Variants in RANBP17 observed in about 807,000 individuals in gnomAD.
RANBP17 encodes the protein RAN binding protein 17.
A neutral mutation model predicts 141.2 loss-of-function variants in RANBP17; 158 were observed. That is an observed-to-expected ratio of 1.12 (90% confidence interval 0.98 to 1.28). The LOEUF (loss-of-function observed/expected upper bound fraction) is 1.28, where lower values mean the gene tolerates loss of function less well. Ranked by LOEUF, RANBP17 falls within the 50% of genes most tolerant of loss-of-function variation. The pLI, the probability that RANBP17 is intolerant of heterozygous loss-of-function variation, is 0.00. For synonymous variants in RANBP17, 430 were observed against 450.0 expected (o/e 0.96, Z 0.56); for missense variants, 1,438 against 1,290.7 (o/e 1.11, Z -1.75).
chr5:171,019,334 G>A (rs1224505756), intron 14 of RANBP17, among the ~76,000 whole-genome samples: 1 of 152,070 alleles, frequency 6.6e-6, no homozygotes, highest in East Asian at 1.9e-4. Flanking sequence ...AAGGAATGGT[G>A]CCAACTCCTT....
chr5:171,069,255 A>G (rs1026306601), intron 14 of RANBP17, among the ~76,000 whole-genome samples: 1 of 152,088 alleles, frequency 6.6e-6, no homozygotes, highest in African/African-American at 2.4e-5. Context: ...CAGGGTCCTT[A>G]TTTTCTGCCC....
At chr5:171,137,473 GA>G (rs1171683126) in intron 14 of RANBP17, among the ~76,000 whole-genome samples, 1 of 151,994 alleles carries the variant, frequency 6.6e-6, no homozygotes, top group Non-Finnish European at 1.5e-5. Flanking sequence ...GGTTGTCATT[GA>G]AAGTATTGCC....
At chr5:170,980,316 C>G (rs945263398) in intron 14 of RANBP17, among the ~76,000 whole-genome samples, 7 of 152,168 alleles carry the variant, frequency 4.6e-5, no homozygotes, top group Non-Finnish European at 1.0e-4. Context: ...AGGAGAAATG[C>G]AAGCTGGCTG....
intron 24 of RANBP17, among the ~76,000 whole-genome samples, chr5:171,257,990 C>T (rs1766017824): frequency 6.6e-6 from 1 of 151,976 alleles, no homozygotes; most frequent in Admixed American, 6.6e-5. Flanking sequence ...CTGTTAATCC[C>T]AGCTACTCAG....
intron 14 of RANBP17, chr5:170,983,117 A>T (rs1262966483): frequency 1.9e-6 from 1 of 522,874 alleles, no homozygotes; most frequent in Non-Finnish European, 3.7e-6. Flanking sequence ...CCAAGAAAAG[A>T]GGAAGAAGGG....
At chr5:171,090,458 A>T (rs1469546652) in intron 14 of RANBP17, among the ~76,000 whole-genome samples, 1 of 152,186 alleles carries the variant, frequency 6.6e-6, no homozygotes, top group Admixed American at 6.5e-5. Context: ...AGGGAAACAG[A>T]GCATAAAAGT....
chr5:171,240,517 T>G (rs1475890301), intron 22 of RANBP17, among the ~76,000 whole-genome samples: 1 of 152,122 alleles, frequency 6.6e-6, no homozygotes, highest in Admixed American at 6.5e-5. Context: ...TGCCGAGAAT[T>G]TAGGGTAATT....
intron 24 of RANBP17, among the ~76,000 whole-genome samples, chr5:171,250,223 T>C (rs1352275882): frequency 6.6e-6 from 1 of 152,206 alleles, no homozygotes; most frequent in East Asian, 1.9e-4. Context: ...GGAATTTGTT[T>C]GTTACCACTA....
At chr5:171,066,226 T>G (rs2127684313) in intron 14 of RANBP17, among the ~76,000 whole-genome samples, 1 of 152,272 alleles carries the variant, frequency 6.6e-6, no homozygotes, top group Admixed American at 6.5e-5. Flanking sequence ...AATACATGGT[T>G]ATTAATCATA....
intron 20 of RANBP17, chr5:171,207,929 T>A (rs1162077956): frequency 6.6e-6 from 1 of 152,224 alleles, no homozygotes; most frequent in Non-Finnish European, 1.5e-5. Context: ...AAAGTACAGA[T>A]TCTTTTCAAA....
chr5:171,060,955 G>A (rs1160001505), intron 14 of RANBP17, among the ~76,000 whole-genome samples: 1 of 78,590 alleles, frequency 1.3e-5, no homozygotes, highest in East Asian at 5.0e-4. Context: ...TTGCGTAGAG[G>A]TGTTTAGTAT....
intron 14 of RANBP17, among the ~76,000 whole-genome samples, chr5:171,024,199 G>A (rs1396863296): frequency 6.6e-6 from 1 of 152,138 alleles, no homozygotes; most frequent in Admixed American, 6.5e-5. Flanking sequence ...TAGAGAATCT[G>A]TGAAGACAGT....
At chr5:171,012,074 ATTG>A (rs1318716618) in intron 14 of RANBP17, among the ~76,000 whole-genome samples, 101 of 150,982 alleles carry the variant, frequency 6.7e-4, no homozygotes, top group African/African-American at 2.4e-3. Context: ...AAACGAATAT[ATTG>A]TTTGTTTATT....
intron 14 of RANBP17, among the ~76,000 whole-genome samples, chr5:170,998,287 A>G (rs563955027): frequency 1.8e-4 from 28 of 152,246 alleles, no homozygotes; most frequent in African/African-American, 6.3e-4. Flanking sequence ...TTTGAACATA[A>G]TGGTCACGTT....
chr5:171,081,651 C>T (rs2127710351), intron 14 of RANBP17, among the ~76,000 whole-genome samples: 1 of 152,126 alleles, frequency 6.6e-6, no homozygotes, highest in East Asian at 1.9e-4. Context: ...AGAAAATCAA[C>T]TTAGTTTTGT....
chr5:170,907,859 A>AT (rs1561877666), intron 5 of RANBP17, among the ~76,000 whole-genome samples: 1 of 151,964 alleles, frequency 6.6e-6, no homozygotes, highest in Non-Finnish European at 1.5e-5. Flanking sequence ...GGCATTAAAA[A>AT]TAAGCAAAAG....
chr5:171,238,059 A>G (rs975169818), intron 22 of RANBP17, among the ~76,000 whole-genome samples: 6 of 152,220 alleles, frequency 3.9e-5, no homozygotes, highest in Non-Finnish European at 7.3e-5. Flanking sequence ...GTCTTTTATT[A>G]TCGCCATGGA....
At chr5:170,961,631 G>A (rs984133468) in intron 13 of RANBP17, among the ~76,000 whole-genome samples, 25 of 152,264 alleles carry the variant, frequency 1.6e-4, no homozygotes, top group African/African-American at 5.8e-4. Context: ...TTCAGATTAT[G>A]GATTTTTGGA....
chr5:170,978,730 GAAC>G (rs1777558970), intron 14 of RANBP17, among the ~76,000 whole-genome samples: 3 of 152,162 alleles, frequency 2.0e-5, no homozygotes, highest in Non-Finnish European at 4.4e-5. Flanking sequence ...CTGGGAAAGT[GAAC>G]TAAGGGAGCC....
Sources: gnomAD v4.1 joint callset for allele counts (sites outside exome capture counted in the v4.1 genomes callset) on GRCh38, gnomAD v4.1.1 for gene constraint, MANE v1.5 for transcripts, NCBI Gene and HGNC (gene_info 2026-07-23, HGNC 2026-07-21) for gene names.